Variants in WNK2 observed in about 807,000 individuals in gnomAD.
WNK2 encodes the protein WNK lysine deficient protein kinase 2, also known as serine/threonine-protein kinase WNK2.
Under a neutral mutation model 192.1 loss-of-function variants are expected in WNK2, and 67 were observed. The observed-to-expected ratio is 0.35, with a 90% CI of 0.29 to 0.43. WNK2 has a LOEUF of 0.43. WNK2 is among the 20% of genes least tolerant of loss of function. The pLI, the probability that WNK2 is intolerant of heterozygous loss-of-function variation, is 1.00. For synonymous variants in WNK2, 1,439 were observed against 1,393.9 expected (o/e 1.03, Z -0.72); for missense variants, 2,698 against 3,089.7 (o/e 0.87, Z 3.01).
chr9:93,308,541 T>G lies in WNK2; in HGVS notation c.6473T>G (p.Met2158Arg), dbSNP rs1442681460. The change falls in exon 28 of 30, where the codon ATG (methionine) becomes AGG (arginine). Residue 2158 changes from methionine (M) to arginine (R), a missense_variant. Met to Arg is a moderately conservative substitution (Grantham distance 91). Coordinates refer to ENST00000427277, the MANE Select transcript of WNK2 (RefSeq NM_006648.4). Reference protein sequence around the residue: ...QLKQTQKLQDMEAQAGWAAPG... With the variant: ...QLKQTQKLQDREAQAGWAAPG... Reference sequence around the variant, plus strand: ...AAGCAGACCCAGAAGCTGCAAGACATGGAGGCCCAGGCAGGCTGGGCTGCC... The same window carrying G: ...AAGCAGACCCAGAAGCTGCAAGACAGGGAGGCCCAGGCAGGCTGGGCTGCC... 2 of 1,540,806 alleles carry G rather than the reference T, an allele frequency of 1.3e-6. No homozygotes were observed. The highest frequency in any genetic ancestry group is 2.8e-5 in the African/African-American group (2 of 71,258).
rs765092263 is a variant in WNK2, at chr9:93,258,817, G to A, written c.2383-114G>A. On this transcript the variant is annotated intron_variant, in intron 11 of 29. Coordinates refer to ENST00000427277, the MANE Select transcript of WNK2 (RefSeq NM_006648.4). ...TGTCTCGGAGGGAAAGGGTCATGCT[G>A]TCTTCATCCCGTGTCCCCTCGTCCC... The A allele has an allele frequency of 3.8e-5, 35 of 911,156 alleles. 1 individual carries two copies. In the Admixed American group the frequency reaches 7.2e-4, roughly 19 times the overall value. 56.4% of individuals were successfully genotyped at this position (911,156 alleles called of 1,614,324 possible). A position where few individuals can be genotyped will look rare whatever the true frequency, so the allele number is the denominator to read the frequency against.
intron 28 of WNK2, chr9:93,317,081 T>C: frequency 4.1e-6 from 1 of 242,212 alleles, no homozygotes; most frequent in South Asian, 5.4e-5. Flanking sequence ...TGCCATCACC[T>C]CCCTGCACAC....
intron 12 of WNK2, 133 bp from the exon 13 acceptor site, chr9:93,261,681 C>T: frequency 2.0e-6 from 2 of 1,013,104 alleles, no homozygotes; most frequent in East Asian, 2.4e-5. Flanking sequence ...GACAGGGACT[C>T]CCCTTGGGGA....
intron 23 of WNK2, 24 bp from the exon 24 acceptor site, chr9:93,297,829 G>A (rs373373346): frequency 4.5e-6 from 7 of 1,550,904 alleles, no homozygotes; most frequent in East Asian, 4.9e-5. Flanking sequence ...GCCCATCGGC[G>A]CTCCCTCCTG....
At chr9:93,287,823 G>C (rs1428519630) in intron 19 of WNK2, among the ~76,000 whole-genome samples, 1 of 152,182 alleles carries the variant, frequency 6.6e-6, no homozygotes, top group Non-Finnish European at 1.5e-5. Context: ...CACTTTGGGA[G>C]GCTGAGGCCA....
chr9:93,276,780 G>A (rs1351955802), intron 19 of WNK2, among the ~76,000 whole-genome samples: 1 of 152,192 alleles, frequency 6.6e-6, no homozygotes, highest in African/African-American at 2.4e-5. Context: ...GCTCACACCT[G>A]TAATCCCAGC....
intron 26 of WNK2, among the ~76,000 whole-genome samples, chr9:93,301,960 T>TG (rs1219289470): frequency 6.6e-6 from 1 of 152,198 alleles, no homozygotes; most frequent in East Asian, 1.9e-4. Flanking sequence ...GCCTCTGCCC[T>TG]GGGCGCCTCT....
intron 16 of WNK2, 31 bp downstream of exon 16, chr9:93,264,064 G>T: frequency 6.6e-7 from 1 of 1,521,194 alleles, no homozygotes. Context: ...CTTGGCTCCC[G>T]GTGTTTCTTG....
At chr9:93,187,127 CAG>C (rs1829488363) in intron 2 of WNK2, among the ~76,000 whole-genome samples, 1 of 152,200 alleles carries the variant, frequency 6.6e-6, no homozygotes, top group Non-Finnish European at 1.5e-5. Flanking sequence ...GTGGATGGAA[CAG>C]GGGTGCTGCA....
chr9:93,219,971 G>A (rs1836528928), intron 2 of WNK2, among the ~76,000 whole-genome samples: 1 of 152,250 alleles, frequency 6.6e-6, no homozygotes, highest in Non-Finnish European at 1.5e-5. Flanking sequence ...ACATCACCTG[G>A]TGTTGGAGGC....
At chr9:93,207,369 C>T (rs1305242496) in intron 2 of WNK2, among the ~76,000 whole-genome samples, 3 of 152,200 alleles carry the variant, frequency 2.0e-5, no homozygotes, top group Admixed American at 6.5e-5. Context: ...CCACCATTCC[C>T]CTACAGGCAG....
intron 2 of WNK2, among the ~76,000 whole-genome samples, chr9:93,188,539 C>A (rs1829757829): frequency 6.6e-6 from 1 of 152,224 alleles, no homozygotes. Flanking sequence ...TCATTCTTCT[C>A]TTGAATAAAC....
At position 93,185,527 on chromosome 9, in the gene WNK2, G is replaced by A; in HGVS notation, c.598G>A (p.Glu200Lys). ...LDGRFLKFDI[E>K]LGRGSFKTVY... ...CGGCCGCTTCCTCAAGTTCGACATC[G>A]AGCTGGGCCGCGGTTCCTTCAAGAC... The change falls in exon 2 of 30, where the codon GAG becomes AAG. Residue 200 changes from glutamate (E) to lysine (K), a missense_variant. Glu to Lys is a moderately conservative substitution (Grantham distance 56). Transcript: ENST00000427277. The A allele has an allele frequency of 6.2e-7, 1 of 1,613,010 alleles. No individual in the cohort carries two copies. Among genetic ancestry groups the A allele is most frequent in the Non-Finnish European group, 8.5e-7 (1 of 1,179,710 alleles).
chr9:93,261,389 C>T (rs976562813), intron 12 of WNK2, among the ~76,000 whole-genome samples: 3 of 152,198 alleles, frequency 2.0e-5, no homozygotes, highest in East Asian at 1.9e-4. Flanking sequence ...AAGCCGCAGT[C>T]GCCCTCCAGG....
intron 19 of WNK2, among the ~76,000 whole-genome samples, chr9:93,274,899 A>C (rs949208095): frequency 6.6e-6 from 1 of 152,224 alleles, no homozygotes; most frequent in Non-Finnish European, 1.5e-5. Context: ...AAAATAGAGG[A>C]GGAAAGAACA....
At chr9:93,304,994 A>G (rs1480997075) in intron 26 of WNK2, among the ~76,000 whole-genome samples, 1 of 151,990 alleles carries the variant, frequency 6.6e-6, no homozygotes, top group Non-Finnish European at 1.5e-5. Context: ...TCCTCCAGAC[A>G]CTCCAGACCC....
chr9:93,267,739 T>G lies in WNK2; in HGVS notation c.3697-7T>G. 1 of 1,579,098 alleles carries G rather than the reference T, an allele frequency of 6.3e-7. No homozygotes were observed. Among genetic ancestry groups the G allele is most frequent in the Non-Finnish European group, 8.6e-7 (1 of 1,161,284 alleles). On this transcript the variant is annotated splice_region_variant and splice_polypyrimidine_tract_variant and intron_variant, in intron 16 of 29. Coordinates refer to ENST00000427277, the MANE Select transcript of WNK2 (RefSeq NM_006648.4). ...CTGGTCCTCACTGGCAGTATGTCCC[T>G]TTGCAGGTGGAGCATGACTTTATCC... is the stretch of plus-strand genomic sequence containing the variant.
At chr9:93,267,433 T>A (rs1002323497) in intron 16 of WNK2, among the ~76,000 whole-genome samples, 2 of 152,166 alleles carry the variant, frequency 1.3e-5, no homozygotes, top group African/African-American at 4.8e-5. Flanking sequence ...CTGCATCCTA[T>A]GCACTTACCT....
At chr9:93,310,365 C>T (rs1853420191) in intron 28 of WNK2, among the ~76,000 whole-genome samples, 1 of 152,118 alleles carries the variant, frequency 6.6e-6, no homozygotes, top group Non-Finnish European at 1.5e-5. Context: ...TCAGGATTAG[C>T]AGTGCTAACT....
Sources: allele counts gnomAD v4.1 joint callset (sites outside exome capture counted in the v4.1 genomes callset), GRCh38; gene constraint gnomAD v4.1.1; transcripts MANE v1.5; gene names NCBI Gene and HGNC (gene_info 2026-07-23, HGNC 2026-07-21).